The following SUMF1 variants were observed in gnomAD, a reference collection of about 807,000 sequenced individuals.
SUMF1 encodes sulfatase modifying factor 1, also known as formylglycine-generating enzyme.
A neutral mutation model predicts 47.6 loss-of-function variants in SUMF1; 48 were observed. The ratio of observed to expected loss-of-function variants is 1.01; its 90% confidence interval spans 0.80 to 1.28. SUMF1 has a LOEUF of 1.28. Ranked by LOEUF, SUMF1 falls within the 50% of genes most tolerant of loss-of-function variation. The pLI, the probability that SUMF1 is intolerant of heterozygous loss-of-function variation, is 0.00. For missense variants in SUMF1, 571 were observed against 485.4 expected, an observed-to-expected ratio of 1.18 and a Z score of -1.66; for synonymous variants, 230 against 192.1, an observed-to-expected ratio of 1.20 and a Z score of -1.63.
At chr3:4,303,209 C>G in intron 8 of SUMF1, 1 of 637,238 alleles carries the variant, frequency 1.6e-6, no homozygotes, top group South Asian at 2.8e-5. Flanking sequence ...AAAACGGGAG[C>G]CAGACCCAAA....
chr3:4,358,157 T>C (rs1466306272), downstream of SUMF1, among the ~76,000 whole-genome samples: 1 of 152,050 alleles, frequency 6.6e-6, no homozygotes, highest in East Asian at 1.9e-4. Context: ...CCCCAGCCCC[T>C]GCCTTCTTCT....
intron 8 of SUMF1, among the ~76,000 whole-genome samples, chr3:4,080,857 C>T (rs1041367131): frequency 1.1e-4 from 17 of 152,092 alleles, no homozygotes; most frequent in African/African-American, 3.4e-4. Flanking sequence ...AAGTATAACA[C>T]ACATATTAAG....
intron 3 of SUMF1, among the ~76,000 whole-genome samples, chr3:4,447,806 A>C (rs1434333011): frequency 1.3e-5 from 2 of 152,204 alleles, no homozygotes; most frequent in Admixed American, 1.3e-4. Flanking sequence ...AAGCACACAC[A>C]CTTTACTATG....
chr3:4,183,220 A>C (rs1056664455), intron 8 of SUMF1, among the ~76,000 whole-genome samples: 1 of 152,222 alleles, frequency 6.6e-6, no homozygotes, highest in East Asian at 1.9e-4. Flanking sequence ...AAAATTAAGA[A>C]TGTTTAGTAA....
At chr3:4,197,102 T>A (rs1372865378) in intron 8 of SUMF1, among the ~76,000 whole-genome samples, 1 of 152,058 alleles carries the variant, frequency 6.6e-6, no homozygotes, top group Non-Finnish European at 1.5e-5. Flanking sequence ...GAATATAGGC[T>A]TAGGAGTTCA....
chr3:4,401,655 T>C (rs17040626), intron 7 of SUMF1, among the ~76,000 whole-genome samples: 7,730 of 152,236 alleles, frequency 0.051, 675 homozygotes, highest in East Asian at 0.34. Context: ...AAATCTCAGA[T>C]GGAAACCCAG....
At chr3:4,176,131 A>C (rs934823070) in intron 8 of SUMF1, among the ~76,000 whole-genome samples, 1 of 152,212 alleles carries the variant, frequency 6.6e-6, no homozygotes, top group Non-Finnish European at 1.5e-5. Context: ...ATTATCCAGG[A>C]GAACTTTCCC....
chr3:4,304,464 G>A (rs138505266), intron 8 of SUMF1, among the ~76,000 whole-genome samples: 1,703 of 152,264 alleles, frequency 0.011, 14 homozygotes, highest in Non-Finnish European at 0.016. Context: ...TTATCCCTCC[G>A]ACCTTGGCCT....
chr3:4,234,918 T>C (rs372166274), intron 8 of SUMF1, among the ~76,000 whole-genome samples: 1 of 152,196 alleles, frequency 6.6e-6, no homozygotes, highest in Non-Finnish European at 1.5e-5. Flanking sequence ...CATTTGTATG[T>C]AGATGTGTGT....
intron 8 of SUMF1, among the ~76,000 whole-genome samples, chr3:4,093,443 A>T (rs1262967496): frequency 6.6e-6 from 1 of 152,134 alleles, no homozygotes; most frequent in Non-Finnish European, 1.5e-5. Flanking sequence ...AAATAGGAAC[A>T]CAGGGAGCAA....
intron 8 of SUMF1, among the ~76,000 whole-genome samples, chr3:4,264,662 G>C (rs1201637812): frequency 1.3e-5 from 2 of 152,290 alleles, no homozygotes; most frequent in East Asian, 3.9e-4. Flanking sequence ...TCAAGTCTGG[G>C]TGATAAAATG....
intron 8 of SUMF1, among the ~76,000 whole-genome samples, chr3:4,209,495 C>A (rs900077142): frequency 6.6e-6 from 1 of 151,870 alleles, no homozygotes; most frequent in Non-Finnish European, 1.5e-5. Context: ...ATTATTTAAT[C>A]TATAAGGAAA....
chr3:4,120,256 G>T (rs559270440), intron 8 of SUMF1, among the ~76,000 whole-genome samples: 70 of 151,888 alleles, frequency 4.6e-4, no homozygotes, highest in Non-Finnish European at 8.2e-4. Context: ...CGTATGCTCA[G>T]TGACAAGCCC....
chr3:4,369,449 T>C, intron 8 of SUMF1, among the ~76,000 whole-genome samples: 1 of 152,164 alleles, frequency 6.6e-6, no homozygotes, highest in East Asian at 1.9e-4. Flanking sequence ...GAAACAACAG[T>C]GCTTTGGTAT....
At chr3:4,168,374 C>A (rs1694758605) in intron 8 of SUMF1, among the ~76,000 whole-genome samples, 1 of 152,140 alleles carries the variant, frequency 6.6e-6, no homozygotes, top group African/African-American at 2.4e-5. Flanking sequence ...AACTCTTTAG[C>A]CTTGAGTTCT....
chr3:4,409,552 T>C lies in SUMF1; in HGVS notation c.954+1313A>G, dbSNP rs565746830. Among the ~76,000 whole-genome samples the C allele has an allele frequency of 1.5e-3, 226 of 152,328 alleles. 1 individual carries two copies. The highest frequency in any genetic ancestry group is 5.2e-3 in the African/African-American group (215 of 41,580). Reference sequence around the variant, plus strand: ...GGCCTTGTGCACCCCCTTCCAAGCATGCAGATGCTTTTATCTGAGATGAAA... The same window carrying C: ...GGCCTTGTGCACCCCCTTCCAAGCACGCAGATGCTTTTATCTGAGATGAAA... On this transcript the variant is annotated intron_variant, in intron 7 of 8. Transcript: ENST00000272902.
chr3:4,399,943 G>A (rs936986566), intron 7 of SUMF1, among the ~76,000 whole-genome samples: 2 of 151,986 alleles, frequency 1.3e-5, no homozygotes, highest in African/African-American at 4.8e-5. Context: ...TGTTTTAGTA[G>A]GGATGGAGTT....
chr3:4,215,800 A>C (rs897701718), intron 8 of SUMF1, among the ~76,000 whole-genome samples: 3 of 152,174 alleles, frequency 2.0e-5, no homozygotes, highest in Non-Finnish European at 4.4e-5. Context: ...ATTGCTACTA[A>C]GAGAAAAAAA....
At chr3:4,196,667 C>T (rs994474028) in intron 8 of SUMF1, among the ~76,000 whole-genome samples, 1 of 152,084 alleles carries the variant, frequency 6.6e-6, no homozygotes, top group Non-Finnish European at 1.5e-5. Context: ...ACCTCTAACC[C>T]TTTTCCCTCT....
Sources: allele counts gnomAD v4.1 joint callset (sites outside exome capture counted in the v4.1 genomes callset), GRCh38; gene constraint gnomAD v4.1.1; transcripts MANE v1.5; gene names NCBI Gene and HGNC (gene_info 2026-07-23, HGNC 2026-07-21).